SLC9A4: variants seen among roughly 807,000 people sequenced by gnomAD.
SLC9A4 encodes the protein solute carrier family 9 member A4.
SLC9A4 carries 63 observed loss-of-function variants against 67.4 expected under a neutral mutation model. The ratio of observed to expected loss-of-function variants is 0.93; its 90% CI spans 0.76 to 1.15. The LOEUF (loss-of-function observed/expected upper bound fraction) is 1.15. Ranked by LOEUF, SLC9A4 falls within the 50% of genes most tolerant of loss-of-function variation. The probability of loss-of-function intolerance (pLI) is 0.00; values close to 1 mark genes in which losing one functional copy is unlikely to be tolerated. For synonymous variants in SLC9A4, 393 were observed against 367.2 expected (o/e 1.07, Z -0.80); for missense variants, 1,089 against 987.7 (o/e 1.10, Z -1.38).
chr2:102,501,132 T>C (rs555289294), intron 2 of SLC9A4, among the ~76,000 whole-genome samples: 1 of 151,568 alleles, frequency 6.6e-6, no homozygotes, highest in East Asian at 2.0e-4. Flanking sequence ...CTAATTTTTT[T>C]TTTTCAAGAG....
At chr2:102,477,404 A>T (rs1257713099) in intron 1 of SLC9A4, among the ~76,000 whole-genome samples, 2 of 152,198 alleles carry the variant, frequency 1.3e-5, no homozygotes, top group African/African-American at 2.4e-5. Flanking sequence ...AGCTTCTCTG[A>T]TAAACATTTA....
chr2:102,514,317 G>A, intron 8 of SLC9A4, 66 bp downstream of exon 8: 3 of 1,185,132 alleles, frequency 2.5e-6, no homozygotes, highest in Non-Finnish European at 3.6e-6. Context: ...CTGACTCATT[G>A]CCTCATTTAA....
In SLC9A4 at chr2:102,473,398, G is replaced by A; in HGVS notation, c.-362G>A. On this transcript the variant is annotated 5_prime_UTR_variant, in exon 1 of 12. Transcript: ENST00000295269. ...TTTAAATTTTCACCCACAAGACAAA[G>A]CCAGTATGCAGTGAAATGAGGAAAT... 1 of 242,770 alleles carries A rather than the reference G, an allele frequency of 4.1e-6. No homozygotes were observed. Among genetic ancestry groups the A allele is most frequent in the South Asian group, 6.1e-5 (1 of 16,496 alleles). 15.0% of individuals were successfully genotyped at this position (242,770 alleles called of 1,614,324 possible). A position where few individuals can be genotyped will look rare whatever the true frequency, so the allele number is the denominator to read the frequency against.
chr2:102,515,004 A>G (rs1439410873), intron 8 of SLC9A4, among the ~76,000 whole-genome samples: 1 of 152,074 alleles, frequency 6.6e-6, no homozygotes, highest in Non-Finnish European at 1.5e-5. Flanking sequence ...AGCTGTTTTA[A>G]CTCTGACATT....
chr2:102,476,801 G>T (rs1218643741), intron 1 of SLC9A4, among the ~76,000 whole-genome samples: 1 of 152,052 alleles, frequency 6.6e-6, no homozygotes, highest in African/African-American at 2.4e-5. Flanking sequence ...AAGAGAAGAT[G>T]AAGAAGGAGG....
chr2:102,503,837 C>A, intron 3 of SLC9A4, 130 bp downstream of exon 3: 1 of 1,297,122 alleles, frequency 7.7e-7, no homozygotes, highest in East Asian at 2.4e-5. Flanking sequence ...GATTTAGGAT[C>A]TTCTAAACTT....
At chr2:102,501,409 A>C (rs1684938391) in intron 2 of SLC9A4, among the ~76,000 whole-genome samples, 1 of 151,368 alleles carries the variant, frequency 6.6e-6, no homozygotes, top group Non-Finnish European at 1.5e-5. Context: ...GCATGAGCCT[A>C]ATTTTTTGAA....
Position 102,493,191 on chromosome 2 carries a change from T to TAAGGGAAAA in SLC9A4, c.721-10257_721-10256insAAGGGAAAA. On this transcript the variant is annotated intron_variant, in intron 2 of 11. Transcript: ENST00000295269. ...GGAAGTTCCAATCTTTCTTGTCTTC[T>TAAGGGAAAA]TCTGAGCCCTTCAAATTGTTCCAAA... Among the ~76,000 whole-genome samples, 86 of 152,230 alleles carry TAAGGGAAAA rather than the reference T, an allele frequency of 5.6e-4. 2 individuals are homozygous for TAAGGGAAAA. The highest frequency in any genetic ancestry group is 2.0e-3 in the African/African-American group (82 of 41,490).
At chr2:102,525,417 A>G (rs1219081978) in intron 10 of SLC9A4, among the ~76,000 whole-genome samples, 6 of 151,130 alleles carry the variant, frequency 4.0e-5, no homozygotes, top group Admixed American at 3.3e-4. Context: ...TTGGTGTGCT[A>G]TGAGTCCAGA....
chr2:102,517,180 G>T (rs1186158655), intron 8 of SLC9A4, among the ~76,000 whole-genome samples: 1 of 152,048 alleles, frequency 6.6e-6, no homozygotes, highest in Non-Finnish European at 1.5e-5. Context: ...GTTCATCTTG[G>T]TGACCTCTGT....
intron 11 of SLC9A4, among the ~76,000 whole-genome samples, chr2:102,527,378 G>T (rs1674687430): frequency 6.6e-6 from 1 of 152,020 alleles, no homozygotes; most frequent in Admixed American, 6.6e-5. Context: ...TTGTACCTAG[G>T]TTTCCATGTC....
At chr2:102,475,014 T>G (rs1395955693) in intron 1 of SLC9A4, among the ~76,000 whole-genome samples, 1 of 152,206 alleles carries the variant, frequency 6.6e-6, no homozygotes, top group East Asian at 1.9e-4. Flanking sequence ...CCTGTGGGTG[T>G]GGGGACACTG....
At chr2:102,474,108 T>C in intron 1 of SLC9A4, 93 bp downstream of exon 1, 1 of 1,396,950 alleles carries the variant, frequency 7.2e-7, no homozygotes, top group East Asian at 2.3e-5. Context: ...AAGAGGATTT[T>C]AACTGTTACT....
rs747911705 is a variant in SLC9A4 at position 102,505,375 on chromosome 2, A to G, written c.1102A>G (p.Ile368Val). The G allele has an allele frequency of 1.9e-6, 3 of 1,614,224 alleles. No individual in the cohort carries two copies. The Admixed American group carries it at 5.0e-5, about 27-fold the overall frequency. ...CAGCGTCAGCGAGACCTTGATCTTC[A>G]TCTTCATGGGTGTGTCCACTGTGGG... ...LSSVSETLIF[I>V]FMGVSTVGKN... The change falls in exon 4 of 12, where the codon ATC becomes GTC. Residue 368 changes from isoleucine to valine, a missense_variant. Physicochemically the swap from Ile to Val is conservative, Grantham distance 29. Transcript: ENST00000295269.
intron 3 of SLC9A4, 149 bp from the exon 4 acceptor site, chr2:102,505,105 G>A: frequency 2.8e-6 from 2 of 705,318 alleles, no homozygotes; most frequent in Non-Finnish European, 4.7e-6. Flanking sequence ...AAGAAAATCT[G>A]CGGAAAATCT....
intron 2 of SLC9A4, among the ~76,000 whole-genome samples, chr2:102,480,588 A>G (rs1464485007): frequency 2.6e-5 from 4 of 152,214 alleles, no homozygotes; most frequent in Non-Finnish European, 5.9e-5. Flanking sequence ...CAATGTTGAA[A>G]TGCATATTGA....
chr2:102,475,097 T>C (rs10200081), intron 1 of SLC9A4, among the ~76,000 whole-genome samples: 47,270 of 152,134 alleles, frequency 0.31, 7,873 homozygotes, highest in African/African-American at 0.39. Context: ...GAATATTAAA[T>C]AGGAATGTTA....
intron 1 of SLC9A4, among the ~76,000 whole-genome samples, chr2:102,475,471 C>T (rs540648493): frequency 6.6e-6 from 1 of 152,310 alleles, no homozygotes; most frequent in East Asian, 1.9e-4. Context: ...AGAAAGGCTG[C>T]ATTTTGTCTT....
At chr2:102,478,622 C>G (rs1200033487) in intron 1 of SLC9A4, among the ~76,000 whole-genome samples, 1 of 152,162 alleles carries the variant, frequency 6.6e-6, no homozygotes, top group Non-Finnish European at 1.5e-5. Flanking sequence ...GGGCAGCTGG[C>G]TGTGAATGAT....
Sources: allele counts gnomAD v4.1 joint callset (sites outside exome capture counted in the v4.1 genomes callset), GRCh38; gene constraint gnomAD v4.1.1; transcripts MANE v1.5; gene names NCBI Gene and HGNC (gene_info 2026-07-23, HGNC 2026-07-21).